SPATA31H1: variants seen among roughly 807,000 people sequenced by gnomAD.
The protein encoded by SPATA31H1 is SPATA31 subfamily H member 1, also known as spermatogenesis-associated protein 31H1.
the SPATA31H1 span, chr2:27,578,136 C>T: frequency 8.1e-6 from 13 of 1,614,078 alleles, no homozygotes; most frequent in Admixed American, 1.7e-5. Flanking sequence ...ACCACCATTT[C>T]AAATTGTAAA....
At chr2:27,543,819 C>T in the SPATA31H1 span, among the ~76,000 whole-genome samples, 1 of 151,992 alleles carries the variant, frequency 6.6e-6, no homozygotes, top group Non-Finnish European at 1.5e-5. Context: ...CCAAGGTTCT[C>T]CTACCCAGTG....
the SPATA31H1 span, chr2:27,577,593 C>T: frequency 5.0e-6 from 8 of 1,614,036 alleles, no homozygotes; most frequent in East Asian, 2.2e-5. This position sits in a 1 kb window ranked among gnomAD's most constrained non-coding sequence, Gnocchi z 4.5. Flanking sequence ...AAAGTCATTA[C>T]ATCACGTCCC....
the SPATA31H1 span, among the ~76,000 whole-genome samples, chr2:27,564,626 G>A: frequency 1.3e-5 from 2 of 151,952 alleles, no homozygotes; most frequent in East Asian, 3.9e-4. Flanking sequence ...AGACCAGCCT[G>A]GCCAATGTGG....
At chr2:27,545,731 T>C in the SPATA31H1 span, among the ~76,000 whole-genome samples, 1 of 151,830 alleles carries the variant, frequency 6.6e-6, no homozygotes, top group Admixed American at 6.6e-5. Flanking sequence ...TGCGCCACCA[T>C]GCCTGGCTGC....
the SPATA31H1 span, chr2:27,576,298 C>T: frequency 2.3e-6 from 1 of 432,260 alleles, no homozygotes; most frequent in East Asian, 3.3e-5. Flanking sequence ...ACTCCAGGGA[C>T]AAAATTTCAA....
chr2:27,579,678 A>G, the SPATA31H1 span: 1 of 1,614,204 alleles, frequency 6.2e-7, no homozygotes, highest in Non-Finnish European at 8.5e-7. Context: ...TTCCCTCAGC[A>G]TATTTTACGA....
At chr2:27,582,576 C>T in the SPATA31H1 span, 1 of 1,512,434 alleles carries the variant, frequency 6.6e-7, no homozygotes, top group Non-Finnish European at 8.9e-7. Flanking sequence ...CATCGTGCTG[C>T]CCTTTCCAGG....
chr2:27,547,130 C>T, the SPATA31H1 span, among the ~76,000 whole-genome samples: 446 of 150,624 alleles, frequency 3.0e-3, 9 homozygotes, highest in African/African-American at 0.011. Flanking sequence ...AATAATGTAG[C>T]TTTGTAGTGA....
the SPATA31H1 span, chr2:27,578,963 T>C: frequency 6.2e-7 from 1 of 1,613,922 alleles, no homozygotes; most frequent in Admixed American, 1.7e-5. Context: ...TGGCCCTTCA[T>C]AATCAAAGCT....
the SPATA31H1 span, chr2:27,576,544 C>T: frequency 1.7e-5 from 26 of 1,511,542 alleles, no homozygotes; most frequent in African/African-American, 2.0e-4. Context: ...GCCTTTGCAT[C>T]GAAGCCATGC....
the SPATA31H1 span, chr2:27,567,040 C>T: frequency 1.4e-6 from 1 of 717,278 alleles, no homozygotes; most frequent in Non-Finnish European, 2.6e-6. Context: ...CTCTCAGAGC[C>T]CCAGAAATCA....
At chr2:27,580,997 G>A in the SPATA31H1 span, 1 of 1,614,174 alleles carries the variant, frequency 6.2e-7, no homozygotes, top group Admixed American at 1.7e-5. Context: ...GGCAGCCTCT[G>A]AGAACTGTTC....
the SPATA31H1 span, chr2:27,576,423 C>T: frequency 3.3e-6 from 2 of 614,530 alleles, no homozygotes; most frequent in Non-Finnish European, 5.8e-6. Context: ...TGTACCAGAG[C>T]CATGTTCTCA....
the SPATA31H1 span, chr2:27,565,188 T>G: frequency 5.0e-6 from 3 of 602,550 alleles, no homozygotes; most frequent in Non-Finnish European, 9.0e-6. Flanking sequence ...TGTTACGGCA[T>G]TTACATGTGG....
the SPATA31H1 span, chr2:27,577,050 T>C: frequency 1.9e-6 from 3 of 1,614,114 alleles, no homozygotes; most frequent in African/African-American, 1.3e-5. This position sits in a 1 kb window ranked among gnomAD's most constrained non-coding sequence, Gnocchi z 4.5. Context: ...CGCCACAGAA[T>C]CTTCAGAAAT....
chr2:27,543,474 G>C, the SPATA31H1 span, among the ~76,000 whole-genome samples: 1 of 130,358 alleles, frequency 7.7e-6, no homozygotes, highest in African/African-American at 3.1e-5. Flanking sequence ...AATTGGGTAT[G>C]AGAAATGGCA....
the SPATA31H1 span, among the ~76,000 whole-genome samples, chr2:27,554,329 C>T: frequency 2.6e-5 from 4 of 151,986 alleles, no homozygotes; most frequent in African/African-American, 9.7e-5. Context: ...GGCAACAGCA[C>T]CCTCACTTCT....
chr2:27,564,480 A>G, the SPATA31H1 span, among the ~76,000 whole-genome samples: 1 of 152,260 alleles, frequency 6.6e-6, no homozygotes, highest in East Asian at 1.9e-4. Context: ...TTGGCCTGTA[A>G]GGATTTCCCT....
the SPATA31H1 span, among the ~76,000 whole-genome samples, chr2:27,548,607 CAAAA>C: frequency 8.3e-6 from 1 of 120,272 alleles, no homozygotes. Flanking sequence ...GGCCCTGTTT[CAAAA>C]AAAAAAAAAA....
Sources: allele counts gnomAD v4.1 joint callset (sites outside exome capture counted in the v4.1 genomes callset), GRCh38; gene constraint gnomAD v4.1.1; non-coding constraint Gnocchi (gnomAD v3.1); transcripts MANE v1.5; gene names NCBI Gene and HGNC (gene_info 2026-07-23, HGNC 2026-07-21).